CYP2J2: variants seen among roughly 807,000 people sequenced by gnomAD.
CYP2J2 encodes cytochrome P450 2J2.
A neutral mutation model predicts 48.8 loss-of-function variants in CYP2J2; 41 were observed. The observed-to-expected ratio is 0.84, with a 90% CI of 0.66 to 1.09. The LOEUF (loss-of-function observed/expected upper bound fraction) is 1.09, where lower values mean the gene tolerates loss of function less well. Ranked by LOEUF, CYP2J2 falls within the 50% of genes least tolerant of loss-of-function variation. The probability of loss-of-function intolerance (pLI) is 0.00; values close to 1 mark genes in which losing one functional copy is unlikely to be tolerated. For synonymous variants in CYP2J2, 221 were observed against 227.1 expected (o/e 0.97, Z 0.24); for missense variants, 644 against 617.3 (o/e 1.04, Z -0.46).
At chr1:59,962,481 C>T in the CYP2J2 span, among the ~76,000 whole-genome samples, 1 of 152,068 alleles carries the variant, frequency 6.6e-6, no homozygotes, top group Non-Finnish European at 1.5e-5. Context: ...GGAAAAATAC[C>T]ACTTAGAGTA....
At chr1:59,910,007 T>A (rs1009652908) in intron 4 of CYP2J2, 47 bp from the exon 5 acceptor site, 1 of 1,466,346 alleles carries the variant, frequency 6.8e-7, no homozygotes, top group African/African-American at 1.5e-5. Flanking sequence ...TGGTGCCATT[T>A]TTTTCTTTTT....
the CYP2J2 span, among the ~76,000 whole-genome samples, chr1:59,968,829 C>T: frequency 6.6e-5 from 10 of 152,314 alleles, no homozygotes; most frequent in South Asian, 1.9e-3. Context: ...GGTTCTTGGT[C>T]TCATTGACTT....
In CYP2J2 at chr1:59,900,916, G is replaced by A. The variant is rs918211793; in HGVS notation, c.1330+49C>T. On this transcript the variant is annotated intron_variant, in intron 8 of 8. Coordinates refer to ENST00000371204, the MANE Select transcript of CYP2J2 (RefSeq NM_000775.4). ...GGAAAACAGGAGAGAGCAGGGGAGG[G>A]CTGGGAGAGGGGCCCTGGACTCCCA... is the stretch of plus-strand genomic sequence containing the variant. 2.5e-6 allele frequency: 4 copies of A among 1,590,742 alleles called. No homozygotes were observed. In the African/African-American group the frequency reaches 4.0e-5, roughly 16 times the overall value.
At chr1:59,906,259 T>A (rs1016291852) in intron 6 of CYP2J2, among the ~76,000 whole-genome samples, 22 of 152,206 alleles carry the variant, frequency 1.4e-4, no homozygotes, top group Admixed American at 2.6e-4. Flanking sequence ...TAAGCAGAAG[T>A]GATGTTTAAT....
At chr1:59,947,867 C>A in the CYP2J2 span, among the ~76,000 whole-genome samples, 1 of 152,260 alleles carries the variant, frequency 6.6e-6, no homozygotes, top group East Asian at 1.9e-4. Context: ...CTATGCATCC[C>A]TTTCTACTGG....
chr1:59,925,770 T>C (rs1644558542), intron 1 of CYP2J2, among the ~76,000 whole-genome samples: 1 of 152,240 alleles, frequency 6.6e-6, no homozygotes, highest in African/African-American at 2.4e-5. Flanking sequence ...ATGTACCAAC[T>C]ATATGTCAGT....
chr1:59,943,759 T>C, the CYP2J2 span, among the ~76,000 whole-genome samples: 2 of 151,610 alleles, frequency 1.3e-5, no homozygotes, highest in Non-Finnish European at 2.9e-5. Context: ...AGAGAAAAGA[T>C]CTTCAAAAAG....
the CYP2J2 span, among the ~76,000 whole-genome samples, chr1:59,944,266 A>G: frequency 6.6e-6 from 1 of 152,240 alleles, no homozygotes; most frequent in Admixed American, 6.5e-5. Flanking sequence ...TTTGTCACCC[A>G]GGCTGGAATA....
intron 1 of CYP2J2, among the ~76,000 whole-genome samples, chr1:59,921,883 T>G (rs1644518813): frequency 6.6e-6 from 1 of 152,320 alleles, no homozygotes; most frequent in African/African-American, 2.4e-5. Context: ...TTGTAAATTC[T>G]TATCTCTGTA....
At chr1:59,922,906 T>C (rs1239442114) in intron 1 of CYP2J2, among the ~76,000 whole-genome samples, 1 of 152,194 alleles carries the variant, frequency 6.6e-6, no homozygotes, top group Non-Finnish European at 1.5e-5. Flanking sequence ...AGTACATGGA[T>C]AGTACCTTGT....
chr1:59,936,058 C>T, the CYP2J2 span, among the ~76,000 whole-genome samples: 5 of 152,184 alleles, frequency 3.3e-5, no homozygotes, highest in African/African-American at 9.7e-5. Context: ...TGAGCCACTG[C>T]GTCTGGCCCA....
chr1:59,909,529 C>T (rs900944871), intron 5 of CYP2J2, among the ~76,000 whole-genome samples: 13 of 152,240 alleles, frequency 8.5e-5, no homozygotes, highest in African/African-American at 2.4e-4. Flanking sequence ...GGGACATAGG[C>T]GGCTCCTAGA....
At chr1:59,929,312 T>C (rs542309185), upstream of CYP2J2, among the ~76,000 whole-genome samples, 14 of 152,338 alleles carry the variant, frequency 9.2e-5, no homozygotes, top group African/African-American at 2.9e-4. Context: ...TTAGCCATAA[T>C]TGCCATAATA....
intron 8 of CYP2J2, among the ~76,000 whole-genome samples, chr1:59,895,373 C>T (rs1227271030): frequency 1.3e-5 from 2 of 152,222 alleles, no homozygotes; most frequent in Non-Finnish European, 2.9e-5. Context: ...TGGATTCAGG[C>T]TGTGGAGTTT....
At chr1:59,907,971 G>A in intron 5 of CYP2J2, 44 bp from the exon 6 acceptor site, 1 of 1,597,624 alleles carries the variant, frequency 6.3e-7, no homozygotes. Context: ...TTTATTCAGA[G>A]GATTCCTGAT....
chr1:59,944,344 C>T, the CYP2J2 span, among the ~76,000 whole-genome samples: 3 of 152,090 alleles, frequency 2.0e-5, no homozygotes, highest in African/African-American at 7.2e-5. Context: ...CGCCTCAGCT[C>T]GCCAAGTAGC....
At chr1:59,960,299 T>C in the CYP2J2 span, among the ~76,000 whole-genome samples, 6 of 152,194 alleles carry the variant, frequency 3.9e-5, no homozygotes, top group Admixed American at 3.9e-4. Context: ...ATAAGACCAA[T>C]GCTATAGAAT....
At chr1:59,896,630 C>T (rs1644271913) in intron 8 of CYP2J2, among the ~76,000 whole-genome samples, 1 of 152,090 alleles carries the variant, frequency 6.6e-6, no homozygotes, top group Non-Finnish European at 1.5e-5. Flanking sequence ...CTTCCACCAC[C>T]CCCTCCCCTA....
chr1:59,930,145 C>T (rs1323037667), upstream of CYP2J2, among the ~76,000 whole-genome samples: 2 of 152,164 alleles, frequency 1.3e-5, no homozygotes, highest in Non-Finnish European at 2.9e-5. Context: ...GAAAAAAACT[C>T]AGAAAACTGT....
Sources: allele counts gnomAD v4.1 joint callset (sites outside exome capture counted in the v4.1 genomes callset), GRCh38; gene constraint gnomAD v4.1.1; transcripts MANE v1.5; gene names NCBI Gene and HGNC (gene_info 2026-07-23, HGNC 2026-07-21).